The following HNRNPK variants were observed in gnomAD, a reference collection of about 807,000 sequenced individuals.
HNRNPK encodes the protein heterogeneous nuclear ribonucleoprotein K, also known as dC-stretch binding protein.
Under a neutral mutation model 67.0 loss-of-function variants are expected in HNRNPK, and 7 were observed. The ratio of observed to expected loss-of-function variants is 0.10; its 90% confidence interval spans 0.06 to 0.20. The LOEUF (loss-of-function observed/expected upper bound fraction) is 0.20, where lower values mean the gene tolerates loss of function less well. Among genes scored for constraint, HNRNPK ranks in the 10% least tolerant of loss-of-function variants. The pLI, the probability that HNRNPK is intolerant of heterozygous loss-of-function variation, is 1.00. For synonymous variants in HNRNPK, 213 were observed against 193.7 expected, an observed-to-expected ratio of 1.10 and a Z score of -0.83; for missense variants, 264 against 606.5, an observed-to-expected ratio of 0.44 and a Z score of 5.93.
chr9:83,970,953 T>C, intron 13 of HNRNPK, 41 bp from the exon 14 acceptor site: 1 of 1,584,802 alleles, frequency 6.3e-7, no homozygotes, highest in South Asian at 1.1e-5. Flanking sequence ...ACTTTGCCGT[T>C]GTAATTACTA....
chr9:83,974,473 C>T, intron 7 of HNRNPK, 44 bp downstream of exon 7: 2 of 925,660 alleles, frequency 2.2e-6, no homozygotes, highest in Non-Finnish European at 3.4e-6. Context: ...TTTAAACATT[C>T]CCCCCTCATA....
In HNRNPK at chr9:83,970,348, A is replaced by T; in HGVS notation, c.1192-17T>A. The stretch of plus-strand genomic sequence containing the variant: ...TCCAGCCAACTGAAAAGATTTTTTA[A>T]AAGTATGTGTTTACGATATACTTTT... On this transcript the variant is annotated splice_polypyrimidine_tract_variant and intron_variant, in intron 15 of 16. Coordinates refer to ENST00000376263, the MANE Select transcript of HNRNPK (RefSeq NM_031263.4). 3 of 1,600,906 alleles carry T rather than the reference A, an allele frequency of 1.9e-6. No individual in the cohort carries two copies. The highest frequency in any genetic ancestry group is 2.6e-6 in the Non-Finnish European group (3 of 1,171,340).
At chr9:83,972,373 C>CTTTT (rs1956889956) in intron 10 of HNRNPK, 184 bp from the exon 11 acceptor site, 1 of 577,500 alleles carries the variant, frequency 1.7e-6, no homozygotes, top group Non-Finnish European at 3.0e-6. Flanking sequence ...AAATCCAATA[C>CTTTT]TTTTGGCAAA....
chr9:83,978,321 A>G (rs1166023897), intron 2 of HNRNPK, 42 bp from the exon 3 acceptor site: 71 of 1,531,800 alleles, frequency 4.6e-5, no homozygotes, highest in Non-Finnish European at 6.1e-5. Context: ...GCTTATTGGA[A>G]AGCAAGCTGT....
At chr9:83,976,271 A>C (rs1324551224) in intron 5 of HNRNPK, among the ~76,000 whole-genome samples, 4 of 152,218 alleles carry the variant, frequency 2.6e-5, no homozygotes, top group Admixed American at 1.3e-4. Flanking sequence ...TACTCGACAC[A>C]AAGTTATTTG....
At chr9:83,974,130 T>C (rs966331370) in intron 7 of HNRNPK, among the ~76,000 whole-genome samples, 157 bp from the exon 8 acceptor site, 2 of 152,150 alleles carry the variant, frequency 1.3e-5, no homozygotes, top group Non-Finnish European at 2.9e-5. Context: ...AAACATAAAA[T>C]ATTTTTCTCT....
At chr9:83,971,620 T>A (rs369505761) in intron 12 of HNRNPK, 52 bp downstream of exon 12, 1 of 1,424,174 alleles carries the variant, frequency 7.0e-7, no homozygotes, top group Non-Finnish European at 9.9e-7. Flanking sequence ...GTGAACTACA[T>A]TGTGACAACC....
In HNRNPK at chr9:83,969,114, AC is replaced by A; in HGVS notation, c.*292del. 1.9e-6 allele frequency: 1 copy of A among 520,174 alleles called. No individual in the cohort carries two copies. Among genetic ancestry groups the A allele is most frequent in the Non-Finnish European group, 3.4e-6 (1 of 294,360 alleles). 32.2% of individuals were successfully genotyped at this position (520,174 alleles called of 1,614,324 possible). ...GGAATTTTTTAAACCACCAACAATA[AC>A]GAAAAATAAAATCCACTCACTCTGC... On this transcript the variant is annotated 3_prime_UTR_variant, in exon 17 of 17. Transcript: ENST00000376263.
Position 83,972,160 on chromosome 9 carries a change from A to G in HNRNPK, c.675T>C (p.Tyr225=), listed in dbSNP as rs759626435. 21 of 1,611,868 alleles carry G rather than the reference A, an allele frequency of 1.3e-5. 1 individual carries two copies. The Middle Eastern group carries it at 8.2e-4, about 63-fold the overall frequency. ...AGGTTTCATCGTAAAAATTGGGATC[A>G]TAAGGCTGTGCACGTCCTTTGATGG... is the stretch of plus-strand genomic sequence containing the variant. The part of the protein sequence containing the change: ...ESPIKGRAQP[Y]DPNFYDETYD... Residue 225 remains tyrosine, a synonymous_variant, in exon 11 of 17, where the codon TAT becomes TAC. Coordinates refer to ENST00000376263, the MANE Select transcript of HNRNPK (RefSeq NM_031263.4).
intron 15 of HNRNPK, 35 bp downstream of exon 15, chr9:83,970,702 G>C (rs758293796): frequency 4.1e-6 from 5 of 1,224,094 alleles, no homozygotes; most frequent in Non-Finnish European, 6.0e-6. Context: ...TCATAAAAGT[G>C]ATAAAATGTT....
intron 7 of HNRNPK, 47 bp downstream of exon 7, chr9:83,974,470 A>G (rs1171954990): frequency 4.4e-6 from 4 of 905,508 alleles, no homozygotes; most frequent in Non-Finnish European, 5.3e-6. Context: ...TACTTTAAAC[A>G]TTCCCCCCTC....
chr9:83,972,171 C>A lies in HNRNPK; in HGVS notation c.664G>T (p.Ala222Ser), dbSNP rs752918171. Residue 222 changes from alanine (A) to serine (S), a missense_variant, in exon 11 of 17, where the codon GCA becomes TCA. Coordinates refer to ENST00000376263, the MANE Select transcript of HNRNPK (RefSeq NM_031263.4). ...TAAAAATTGGGATCATAAGGCTGTGCACGTCCTTTGATGGGAGACTAAAAA... is the reference window on the plus strand; with the variant it reads ...TAAAAATTGGGATCATAAGGCTGTGAACGTCCTTTGATGGGAGACTAAAAA... ...LISESPIKGR[A>S]QPYDPNFYDE... The A allele has an allele frequency of 6.2e-7, 1 of 1,603,732 alleles. No homozygotes were observed. The highest frequency in any genetic ancestry group is 8.5e-7 in the Non-Finnish European group (1 of 1,174,442).
rs539260781 is a variant in HNRNPK, at chr9:83,968,239, A to G, written c.*1168T>C. The G allele has an allele frequency of 2.6e-5, 4 of 152,456 alleles. No homozygotes were observed. The highest frequency in any genetic ancestry group is 2.1e-4 in the South Asian group (1 of 4,822). The allele number at this position is 152,456 out of a possible 1,614,324, so 9.4% of individuals were successfully genotyped here. On this transcript the variant is annotated 3_prime_UTR_variant, in exon 17 of 17. Coordinates refer to ENST00000376263, the MANE Select transcript of HNRNPK (RefSeq NM_031263.4). Reference sequence around the variant, plus strand: ...TTTAACTATCAATACAAATGCCAAGATACTACACAAAACATCCACAGGAAC... The same window carrying G: ...TTTAACTATCAATACAAATGCCAAGGTACTACACAAAACATCCACAGGAAC...
At chr9:83,975,540 T>G in intron 5 of HNRNPK, 35 bp from the exon 6 acceptor site, 1 of 1,537,046 alleles carries the variant, frequency 6.5e-7, no homozygotes, top group Non-Finnish European at 9.0e-7. Flanking sequence ...GATGTTGGCA[T>G]TGGGCATGGG....
chr9:83,978,493 C>G lies in HNRNPK; in HGVS notation c.-107-41G>C, dbSNP rs116330874. 1.4e-5 allele frequency: 8 copies of G among 582,666 alleles called. No homozygotes were observed. The African/African-American group carries it at 1.5e-4, about 11-fold the overall frequency. The allele number at this position is 582,666 out of a possible 1,614,324, so 36.1% of individuals were successfully genotyped here. A position where few individuals can be genotyped will look rare whatever the true frequency, so the allele number is the denominator to read the frequency against. On this transcript the variant is annotated intron_variant, in intron 1 of 16. Transcript: ENST00000376263. ...CAAATCAGTTTTGCTTTTGTTTATT[C>G]TTATTACTGAATATTTGTTTCCGAT...
chr9:83,977,767 A>G lies in HNRNPK; in HGVS notation c.78T>C (p.Asp26=), dbSNP rs1957136901. The G allele has an allele frequency of 6.2e-7, 1 of 1,606,924 alleles. No individual in the cohort carries two copies. Among genetic ancestry groups the G allele is most frequent in the South Asian group, 1.1e-5 (1 of 90,808 alleles). The change falls in exon 4 of 17, where the codon GAT becomes GAC. Residue 26 remains aspartate (D), a synonymous_variant. Transcript: ENST00000376263. ...NGEFGKRPAE[D]MEEEQAFKRS... is the part of the protein sequence containing the mutation. ...TTTTAAATGCTTGTTCCTCTTCCAT[A>G]TCTTCTGCAGGGCGTTTACCTAAAA...
upstream of HNRNPK, chr9:83,980,364 C>G (rs1243007133): frequency 2.6e-5 from 4 of 152,600 alleles, no homozygotes; most frequent in Admixed American, 2.0e-4. Flanking sequence ...ACCCCGCCTC[C>G]CGCCAGCGCC....
chr9:83,969,886 G>A (rs760087066), intron 16 of HNRNPK: 34 of 610,742 alleles, frequency 5.6e-5, no homozygotes, highest in South Asian at 3.3e-4. Flanking sequence ...TACAGGCTCT[G>A]TACAATTTTT....
At chr9:83,974,484 T>A in intron 7 of HNRNPK, 33 bp downstream of exon 7, 1 of 1,069,456 alleles carries the variant, frequency 9.4e-7, no homozygotes. Context: ...CCCCCTCATA[T>A]TGTCAAATAC....
Sources: allele counts gnomAD v4.1 joint callset (sites outside exome capture counted in the v4.1 genomes callset), GRCh38; gene constraint gnomAD v4.1.1; transcripts MANE v1.5; gene names NCBI Gene and HGNC (gene_info 2026-07-23, HGNC 2026-07-21).